Variants in GABRA5 observed in about 807,000 individuals in gnomAD.
GABRA5 encodes gamma-aminobutyric acid receptor subunit alpha-5.
GABRA5 carries 18 observed loss-of-function variants against 47.3 expected under a neutral mutation model. The observed-to-expected ratio is 0.38, with a 90% confidence interval of 0.26 to 0.56. The LOEUF (loss-of-function observed/expected upper bound fraction) is 0.56, where lower values mean the gene tolerates loss of function less well. Ranked by LOEUF, GABRA5 falls within the 20% of genes least tolerant of loss-of-function variation. The pLI is 0.71. For synonymous variants in GABRA5, 237 were observed against 229.3 expected (o/e 1.03, Z -0.30); for missense variants, 365 against 599.3 (o/e 0.61, Z 4.08).
intron 3 of GABRA5, among the ~76,000 whole-genome samples, chr15:26,875,450 G>A (rs1020719570): frequency 1.4e-4 from 22 of 152,232 alleles, no homozygotes; most frequent in African/African-American, 5.3e-4. Flanking sequence ...ACACTCTGGT[G>A]TGCATGGAAT....
intron 6 of GABRA5, among the ~76,000 whole-genome samples, chr15:26,900,663 G>A (rs1893306274): frequency 6.6e-6 from 1 of 151,870 alleles, no homozygotes; most frequent in African/African-American, 2.4e-5. Flanking sequence ...CCCAACCAGA[G>A]TGGCACATAT....
In GABRA5 at chr15:26,883,846, A is replaced by G. The variant is rs1892805971; in HGVS notation, c.497+289A>G. Among the ~76,000 whole-genome samples, 2 of 151,360 alleles carry G rather than the reference A, an allele frequency of 1.3e-5. 1 individual carries two copies. Among genetic ancestry groups the G allele is most frequent in the South Asian group, 4.2e-4 (2 of 4,816 alleles). ...CCCATATAATGTCGGATAGGGAAAA[A>G]TTATTATATTAAACTTAAACATCTA... On this transcript the variant is annotated intron_variant, in intron 6 of 10. Coordinates refer to ENST00000335625, the MANE Select transcript of GABRA5 (RefSeq NM_000810.4). This position sits in a 1 kb window ranked among gnomAD's most constrained non-coding sequence, Gnocchi z 4.8.
At chr15:26,939,254 G>A (rs774218601) in intron 8 of GABRA5, 15 of 765,158 alleles carry the variant, frequency 2.0e-5, no homozygotes, top group East Asian at 1.2e-4. Context: ...CCGTGAGGAC[G>A]GCATCATTCT....
intron 10 of GABRA5, among the ~76,000 whole-genome samples, chr15:26,947,079 T>G (rs1894528802): frequency 6.6e-6 from 1 of 152,198 alleles, no homozygotes. Flanking sequence ...AGGCCACATC[T>G]TAGGGCTTCC....
rs75690401 is a variant in GABRA5, at chr15:26,943,357, G to T, written c.1020G>T (p.Thr340=). ...TCTCGGCGCTGATAGAGTTTGCCACGGTCAATTACTTTACCAAGAGAGGCT... is the reference window on the plus strand; with the variant it reads ...TCTCGGCGCTGATAGAGTTTGCCACTGTCAATTACTTTACCAAGAGAGGCT... ...FVFSALIEFA[T]VNYFTKRGWA... Residue 340 remains threonine, a synonymous_variant, in exon 10 of 11, where the codon ACG becomes ACT. Transcript: ENST00000335625. The T allele has an allele frequency of 1.6e-4, 259 of 1,599,556 alleles. 4 individuals are homozygous for T. In the South Asian group the frequency reaches 2.0e-3, roughly 12 times the overall value.
At chr15:26,941,575 G>T (rs975057731) in intron 9 of GABRA5, among the ~76,000 whole-genome samples, 1 of 152,192 alleles carries the variant, frequency 6.6e-6, no homozygotes, top group African/African-American at 2.4e-5. Flanking sequence ...TGTCCTTGGT[G>T]CTGTGCTGGT....
intron 6 of GABRA5, among the ~76,000 whole-genome samples, chr15:26,885,145 A>G (rs1892844320): frequency 6.6e-6 from 1 of 151,968 alleles, no homozygotes; most frequent in South Asian, 2.1e-4. Flanking sequence ...AAAAAATACA[A>G]AAAATTAGCC....
chr15:26,929,733 A>T (rs1203471142), intron 7 of GABRA5, among the ~76,000 whole-genome samples: 1 of 152,124 alleles, frequency 6.6e-6, no homozygotes, highest in African/African-American at 2.4e-5. Flanking sequence ...AGAGCCCAAG[A>T]GGTAAGGCAG....
Position 26,937,259 on chromosome 15 carries a change from G to A in GABRA5, c.655G>A (p.Gly219Ser), listed in dbSNP as rs771187193. Residue 219 changes from glycine to serine, a missense_variant, in exon 8 of 11, where the codon GGC becomes AGC. Gly to Ser is a moderately conservative substitution (Grantham distance 56). Around this residue, in one of 3 missense-constraint regions of GABRA5, gnomAD observed 216 missense variants for 335.3 expected, o/e 0.64. Transcript: ENST00000335625. ...CAAGTCGGTGGTGGTGGCGGAAGAT[G>A]GCTCCAGACTGAACCAGTACCACCT... ...STKSVVVAED[G>S]SRLNQYHLMG... is the part of the protein sequence containing the mutation. 259 of 1,613,840 alleles carry A rather than the reference G, an allele frequency of 1.6e-4. No homozygotes were observed. The highest frequency in any genetic ancestry group is 2.1e-4 in the Non-Finnish European group (246 of 1,179,880).
intron 3 of GABRA5, among the ~76,000 whole-genome samples, chr15:26,876,079 C>T (rs1280542863): frequency 1.3e-5 from 2 of 152,052 alleles, no homozygotes; most frequent in Non-Finnish European, 2.9e-5. Context: ...AGGGATGACC[C>T]CTAGGTATTT....
intron 6 of GABRA5, among the ~76,000 whole-genome samples, chr15:26,890,426 A>ATTTTTTTTTTTTTTT (rs201726196): frequency 3.5e-3 from 446 of 128,508 alleles, no homozygotes; most frequent in African/African-American, 8.4e-3. Flanking sequence ...AGTCACTTCA[A>ATTTTTTTTTTTTTTT]TTTTTTTTTT....
intron 8 of GABRA5, 148 bp from the exon 9 acceptor site, chr15:26,939,777 C>T: frequency 1.4e-6 from 1 of 705,766 alleles, no homozygotes; most frequent in South Asian, 1.8e-5. Flanking sequence ...TTCATGCATC[C>T]TCCTGTGTCC....
At chr15:26,872,821 C>T (rs1370988796) in intron 3 of GABRA5, among the ~76,000 whole-genome samples, 3 of 152,166 alleles carry the variant, frequency 2.0e-5, no homozygotes, top group Non-Finnish European at 4.4e-5. Flanking sequence ...GTTTGTGAAA[C>T]GTGTGTGGCA....
chr15:26,941,176 A>C (rs745945453), intron 9 of GABRA5, among the ~76,000 whole-genome samples: 1 of 152,112 alleles, frequency 6.6e-6, no homozygotes, highest in African/African-American at 2.4e-5. Context: ...GGATTGTTTC[A>C]GGAAGGTGTG....
At chr15:26,925,232 C>T (rs1893932824) in intron 7 of GABRA5, among the ~76,000 whole-genome samples, 1 of 151,702 alleles carries the variant, frequency 6.6e-6, no homozygotes, top group African/African-American at 2.4e-5. Flanking sequence ...CATCTTCTTC[C>T]TCTTTTTTAT....
intron 6 of GABRA5, among the ~76,000 whole-genome samples, chr15:26,888,743 C>T (rs1433314270): frequency 6.6e-6 from 1 of 152,208 alleles, no homozygotes; most frequent in Non-Finnish European, 1.5e-5. Flanking sequence ...GGCAATGGCT[C>T]CCTTTCATCT....
At chr15:26,889,675 GCTT>G (rs1200807577) in intron 6 of GABRA5, among the ~76,000 whole-genome samples, 2 of 152,218 alleles carry the variant, frequency 1.3e-5, no homozygotes, top group Admixed American at 1.3e-4. Flanking sequence ...CAAGTTCAAA[GCTT>G]CTTTCATGAA....
At chr15:26,868,400 T>A (rs1405606074) in intron 1 of GABRA5, among the ~76,000 whole-genome samples, 6 of 152,030 alleles carry the variant, frequency 3.9e-5, no homozygotes, top group African/African-American at 1.4e-4. Context: ...GGGGGCTTCT[T>A]GGGAAAATGC....
rs1322845845 is a variant in GABRA5 at position 26,949,026 on chromosome 15, G to C, written c.*793G>C. On this transcript the variant is annotated 3_prime_UTR_variant, in exon 11 of 11. Coordinates refer to ENST00000335625, the MANE Select transcript of GABRA5 (RefSeq NM_000810.4). Reference sequence around the variant, plus strand: ...CTTGGCCCATGTGATCGCTGTCTCTGAAACACTGACCACCTCTCCCTACAG... The same window carrying C: ...CTTGGCCCATGTGATCGCTGTCTCTCAAACACTGACCACCTCTCCCTACAG... 1 of 152,182 alleles carries C rather than the reference G, an allele frequency of 6.6e-6. No homozygotes were observed. Among genetic ancestry groups the C allele is most frequent in the Admixed American group, 6.5e-5 (1 of 15,272 alleles). The allele number at this position is 152,182 out of a possible 1,614,324, so 9.4% of individuals were successfully genotyped here.
Sources: gnomAD v4.1 joint callset for allele counts (sites outside exome capture counted in the v4.1 genomes callset) on GRCh38, gnomAD v4.1.1 for gene constraint, gnomAD v4.1.1 regional missense constraint, Gnocchi (gnomAD v3.1) non-coding constraint, MANE v1.5 for transcripts, NCBI Gene and HGNC (gene_info 2026-07-23, HGNC 2026-07-21) for gene names.